The following UBA6 variants were observed in gnomAD, a reference collection of about 807,000 sequenced individuals.
UBA6 encodes the protein ubiquitin-like modifier-activating enzyme 6.
In UBA6, 87 loss-of-function variants were observed where a neutral mutation model predicts 148.3. The ratio of observed to expected loss-of-function variants is 0.59; its 90% CI spans 0.49 to 0.70. UBA6 has a LOEUF of 0.70. Ranked by LOEUF, UBA6 falls within the 30% of genes least tolerant of loss-of-function variation. UBA6 has a pLI of 0.00. For synonymous variants in UBA6, 376 were observed against 401.0 expected, an observed-to-expected ratio of 0.94 and a Z score of 0.75; for missense variants, 1,186 against 1,241.2, an observed-to-expected ratio of 0.96 and a Z score of 0.67.
chr4:67,620,826 T>A, intron 32 of UBA6, among the ~76,000 whole-genome samples: 1 of 152,184 alleles, frequency 6.6e-6, no homozygotes, highest in Non-Finnish European at 1.5e-5. Flanking sequence ...TTTGTAGCTT[T>A]TTGAAACTAA....
chr4:67,695,218 A>G (rs1730804962), intron 2 of UBA6, among the ~76,000 whole-genome samples: 1 of 152,236 alleles, frequency 6.6e-6, no homozygotes, highest in Non-Finnish European at 1.5e-5. Context: ...ATAATTATAG[A>G]TTAAGAATCC....
intron 2 of UBA6, among the ~76,000 whole-genome samples, chr4:67,685,254 T>C (rs1349198578): frequency 6.6e-6 from 1 of 152,224 alleles, no homozygotes; most frequent in African/African-American, 2.4e-5. Flanking sequence ...TTTTATATAT[T>C]ACCTATTAAC....
At chr4:67,655,049 C>T (rs1184144491) in intron 13 of UBA6, among the ~76,000 whole-genome samples, 1 of 152,174 alleles carries the variant, frequency 6.6e-6, no homozygotes, top group South Asian at 2.1e-4. Flanking sequence ...AAAGCAAGTC[C>T]GTAGAGACCT....
At chr4:67,658,666 C>A (rs1265525828) in intron 13 of UBA6, among the ~76,000 whole-genome samples, 1 of 152,010 alleles carries the variant, frequency 6.6e-6, no homozygotes, top group Non-Finnish European at 1.5e-5. Context: ...CAAACTTGTA[C>A]ATGTAACCCT....
intron 27 of UBA6, among the ~76,000 whole-genome samples, chr4:67,628,302 C>A (rs1728918031): frequency 1.3e-5 from 2 of 151,722 alleles, no homozygotes; most frequent in African/African-American, 4.8e-5. Context: ...TTATCATAGC[C>A]CCAACTATCT....
chr4:67,696,747 T>A, intron 1 of UBA6, 40 bp from the exon 2 acceptor site: 1 of 1,498,666 alleles, frequency 6.7e-7, no homozygotes, highest in Non-Finnish European at 9.2e-7. Context: ...TCACATTTTA[T>A]AATGTAATAT....
At chr4:67,670,697 T>TAC (rs1730125874) in intron 7 of UBA6, 105 bp from the exon 8 acceptor site, 4 of 827,112 alleles carry the variant, frequency 4.8e-6, no homozygotes, top group Non-Finnish European at 8.0e-6. Flanking sequence ...AAGTATACCT[T>TAC]ACACAACCTA....
At chr4:67,666,440 G>C (rs985167261) in intron 9 of UBA6, among the ~76,000 whole-genome samples, 2 of 151,350 alleles carry the variant, frequency 1.3e-5, no homozygotes, top group Non-Finnish European at 2.9e-5. Context: ...GGTCAGCAGA[G>C]TGAACACCAA....
intron 1 of UBA6, among the ~76,000 whole-genome samples, chr4:67,697,508 T>A (rs2109963637): frequency 6.6e-6 from 1 of 152,350 alleles, no homozygotes; most frequent in East Asian, 1.9e-4. Context: ...TATTCTGATG[T>A]CTTAACTGGT....
Position 67,678,439 on chromosome 4 carries a change from C to G in UBA6, c.353G>C (p.Arg118Thr). 1 of 1,558,884 alleles carries G rather than the reference C, an allele frequency of 6.4e-7. No homozygotes were observed. Residue 118 changes from arginine to threonine, a missense_variant and splice_region_variant, in exon 5 of 33, where the codon AGG (arginine) becomes ACG (threonine). Arg to Thr is a moderately conservative substitution (Grantham distance 71). Coordinates refer to ENST00000322244, the MANE Select transcript of UBA6 (RefSeq NM_018227.6). ...TGATAATACATCAAAATATCTTTAC[C>G]TGTTTCTCTTATTAACAACATCATC... ...SEDDVVNKRNRAEAVLKHIAE... is the reference protein window; with the variant it reads ...SEDDVVNKRNTAEAVLKHIAE...
chr4:67,628,656 A>G (rs1012161161), intron 27 of UBA6, among the ~76,000 whole-genome samples: 1 of 151,892 alleles, frequency 6.6e-6, no homozygotes, highest in East Asian at 1.9e-4. Flanking sequence ...TGTATTTTAT[A>G]CATTCCTTCA....
intron 13 of UBA6, among the ~76,000 whole-genome samples, chr4:67,656,166 G>A (rs921326259): frequency 1.3e-5 from 2 of 152,158 alleles, no homozygotes; most frequent in Non-Finnish European, 2.9e-5. Flanking sequence ...GAAAAAGAGG[G>A]AATCCTCCCT....
At chr4:67,654,414 A>G (rs922460998) in intron 13 of UBA6, among the ~76,000 whole-genome samples, 1 of 152,230 alleles carries the variant, frequency 6.6e-6, no homozygotes, top group African/African-American at 2.4e-5. Flanking sequence ...TTTTCATCCC[A>G]GAATTTCACA....
intron 7 of UBA6, among the ~76,000 whole-genome samples, chr4:67,671,834 C>T (rs1160891365): frequency 6.6e-6 from 1 of 152,118 alleles, no homozygotes; most frequent in East Asian, 1.9e-4. Flanking sequence ...AAGCGAAGAA[C>T]TGTGATTTTT....
At chr4:67,677,531 A>C in intron 6 of UBA6, 80 bp downstream of exon 6, 1 of 660,866 alleles carries the variant, frequency 1.5e-6, no homozygotes, top group Non-Finnish European at 2.5e-6. Flanking sequence ...ACACTAGGTT[A>C]AATTAGTTAA....
rs776596813 is a variant in UBA6 at position 67,663,870 on chromosome 4, A to G, written c.960+15T>C. ...ATTCTGCTGCCTCTCTCAAACCTGC[A>G]AAGTGTTTATTTACCTCAGGGTTGC... On this transcript the variant is annotated intron_variant, in intron 11 of 32. Coordinates refer to ENST00000322244, the MANE Select transcript of UBA6 (RefSeq NM_018227.6). 1.9e-6 allele frequency: 3 copies of G among 1,611,408 alleles called. No individual in the cohort carries two copies. The highest frequency in any genetic ancestry group is 2.7e-5 in the African/African-American group (2 of 74,880).
chr4:67,630,725 G>C (rs111951551), intron 25 of UBA6, among the ~76,000 whole-genome samples, 190 bp from the exon 26 acceptor site: 380 of 151,550 alleles, frequency 2.5e-3, no homozygotes, highest in African/African-American at 8.8e-3. Flanking sequence ...AGTTATAAAA[G>C]ACAAAACATC....
rs1427370072 is a variant in UBA6 at position 67,639,188 on chromosome 4, A to G, written c.1555-64T>C. The G allele has an allele frequency of 2.2e-5, 29 of 1,296,940 alleles. 1 individual carries two copies. In the Admixed American group the frequency reaches 3.1e-4, roughly 14 times the overall value. 80.3% of individuals were successfully genotyped at this position (1,296,940 alleles called of 1,614,324 possible). A position where few individuals can be genotyped will look rare whatever the true frequency, so the allele number is the denominator to read the frequency against. On this transcript the variant is annotated intron_variant, in intron 18 of 32. Transcript: ENST00000322244. ...ACAAAAAAAGGACTATGATTTTTCTATATATTCCAGAGTGATAAGAATGTG... is the reference window on the plus strand; with the variant it reads ...ACAAAAAAAGGACTATGATTTTTCTGTATATTCCAGAGTGATAAGAATGTG...
At chr4:67,655,973 C>T (rs1385275057) in intron 13 of UBA6, among the ~76,000 whole-genome samples, 2 of 152,170 alleles carry the variant, frequency 1.3e-5, no homozygotes, top group Non-Finnish European at 2.9e-5. Flanking sequence ...CATACACCCT[C>T]CCAAGACTAA....
Sources: gnomAD v4.1 joint callset for allele counts (sites outside exome capture counted in the v4.1 genomes callset) on GRCh38, gnomAD v4.1.1 for gene constraint, MANE v1.5 for transcripts, NCBI Gene and HGNC (gene_info 2026-07-23, HGNC 2026-07-21) for gene names.